Variants in EIF2B3 observed in about 807,000 individuals in gnomAD.
The protein encoded by EIF2B3 is eukaryotic translation initiation factor 2B subunit gamma.
In EIF2B3, 20 loss-of-function variants were observed where a neutral mutation model predicts 54.1. That is an observed-to-expected ratio of 0.37 (90% confidence interval 0.26 to 0.54). The LOEUF is 0.54. EIF2B3 is among the 20% of genes least tolerant of loss of function. The pLI, the probability that EIF2B3 is intolerant of heterozygous loss-of-function variation, is 0.86. For synonymous variants in EIF2B3, 153 were observed against 188.1 expected (o/e 0.81, Z 1.52); for missense variants, 448 against 547.8 (o/e 0.82, Z 1.82).
chr1:44,950,669 A>G (rs1380575521), intron 3 of EIF2B3, among the ~76,000 whole-genome samples: 1 of 152,098 alleles, frequency 6.6e-6, no homozygotes, highest in Non-Finnish European at 1.5e-5. Context: ...ATATAACTTC[A>G]ATAAGTATAA....
intron 6 of EIF2B3, among the ~76,000 whole-genome samples, chr1:44,889,678 G>A (rs111454417): frequency 0.22 from 34,067 of 151,564 alleles, 4,463 homozygotes; most frequent in African/African-American, 0.37. Context: ...ACAGGCACAC[G>A]CCACCACACC....
At chr1:44,959,082 C>T in intron 3 of EIF2B3, 1 of 776,414 alleles carries the variant, frequency 1.3e-6, no homozygotes, top group South Asian at 1.4e-5. Context: ...AGCTCCAAGG[C>T]CTCTATGATA....
intron 3 of EIF2B3, 80 bp from the exon 4 acceptor site, chr1:44,941,745 G>A (rs1644025337): frequency 6.6e-7 from 1 of 1,509,834 alleles, no homozygotes; most frequent in Non-Finnish European, 9.2e-7. Flanking sequence ...AATTAGGATG[G>A]CTTAAAACCA....
At chr1:44,982,028 G>T (rs1397686935) in intron 1 of EIF2B3, among the ~76,000 whole-genome samples, 3 of 151,770 alleles carry the variant, frequency 2.0e-5, no homozygotes, top group Non-Finnish European at 4.4e-5. Context: ...AGCATGTTAG[G>T]CTTCTGAAAA....
intron 4 of EIF2B3, among the ~76,000 whole-genome samples, chr1:44,936,814 T>C (rs576637498): frequency 6.6e-6 from 1 of 152,332 alleles, no homozygotes; most frequent in African/African-American, 2.4e-5. Flanking sequence ...CAAATTACAA[T>C]AGTAATTACA....
chr1:44,866,567 T>G (rs1215030992), intron 10 of EIF2B3, among the ~76,000 whole-genome samples: 4 of 152,036 alleles, frequency 2.6e-5, no homozygotes, highest in African/African-American at 7.2e-5. Flanking sequence ...AATTTTTTTT[T>G]TTTTTTAGAT....
intron 11 of EIF2B3, among the ~76,000 whole-genome samples, chr1:44,854,194 G>C (rs1198976973): frequency 6.6e-6 from 1 of 151,936 alleles, no homozygotes; most frequent in Non-Finnish European, 1.5e-5. Flanking sequence ...GTAGAGATGA[G>C]GTTTCACCAT....
rs1240019096 is a variant in EIF2B3, at chr1:44,881,302, G to A, written c.784+310C>T. ...GGGGCTGCCTAGAGCCTAGAGAACA[G>A]GGGAACTAAGAAGTGGCAGGTGGAG... On this transcript the variant is annotated intron_variant, in intron 7 of 11. Coordinates refer to ENST00000360403, the MANE Select transcript of EIF2B3 (RefSeq NM_020365.5). The surrounding 1 kb of genome is among the most constrained non-coding windows in gnomAD (Gnocchi z 4.0). Among the ~76,000 whole-genome samples the A allele has an allele frequency of 1.3e-5, 2 of 152,202 alleles. No individual in the cohort carries two copies. Among genetic ancestry groups the A allele is most frequent in the Non-Finnish European group, 2.9e-5 (2 of 68,032 alleles).
intron 5 of EIF2B3, among the ~76,000 whole-genome samples, chr1:44,914,719 C>T (rs1008540893): frequency 3.3e-5 from 5 of 152,028 alleles, no homozygotes; most frequent in East Asian, 3.9e-4. Context: ...GACGGAGTCT[C>T]GCTCTGTCAC....
intron 6 of EIF2B3, among the ~76,000 whole-genome samples, chr1:44,890,635 G>A (rs1655763599): frequency 6.6e-6 from 1 of 152,066 alleles, no homozygotes; most frequent in South Asian, 2.1e-4. Flanking sequence ...TCCTTCCAAA[G>A]CATATATGTT....
In EIF2B3 at chr1:44,981,104, C is replaced by T; in HGVS notation, c.65G>A (p.Ser22Asn). ...GGSRMTDLTS[S>N]IPKPLLPVGN... is the part of the protein sequence containing the mutation. The stretch of plus-strand genomic sequence containing the variant: ...AACTGGAAGCAGAGGTTTGGGAATG[C>T]TGGAAGTTAGGTCTGTCATCCGAGA... Residue 22 changes from serine (S) to asparagine (N), a missense_variant, in exon 2 of 12, where the codon AGC (serine) becomes AAC (asparagine). By Grantham distance (46) the Ser-to-Asn change is conservative. This residue lies in a region of EIF2B3 where 95 missense variants were observed against 115.7 expected (regional missense o/e 0.82). Coordinates refer to ENST00000360403, the MANE Select transcript of EIF2B3 (RefSeq NM_020365.5). The T allele has an allele frequency of 6.2e-7, 1 of 1,612,972 alleles. No individual in the cohort carries two copies. Among genetic ancestry groups the T allele is most frequent in the Non-Finnish European group, 8.5e-7 (1 of 1,179,872 alleles).
At chr1:44,880,364 A>C (rs1399120472) in intron 7 of EIF2B3, among the ~76,000 whole-genome samples, 1 of 152,232 alleles carries the variant, frequency 6.6e-6, no homozygotes, top group Non-Finnish European at 1.5e-5. Context: ...ATGATATAAA[A>C]ATGCTTAATA....
intron 5 of EIF2B3, among the ~76,000 whole-genome samples, chr1:44,907,026 T>C (rs1231630295): frequency 1.3e-5 from 2 of 152,096 alleles, no homozygotes; most frequent in African/African-American, 4.8e-5. Flanking sequence ...AACCCCAAGG[T>C]TCAAACACCA....
Position 44,978,621 on chromosome 1 carries a change from C to CTTTTTTTTTTTT in EIF2B3, c.149-173_149-162dup, listed in dbSNP as rs57964686. Among the ~76,000 whole-genome samples the CTTTTTTTTTTTT allele has an allele frequency of 6.5e-5, 5 of 76,632 alleles. 1 individual carries two copies. The highest frequency in any genetic ancestry group is 3.3e-4 in the African/African-American group (5 of 15,282). 50.3% of individuals were successfully genotyped at this position (76,632 alleles called of 152,430 possible). A position where few individuals can be genotyped will look rare whatever the true frequency, so the allele number is the denominator to read the frequency against. On this transcript the variant is annotated intron_variant, in intron 2 of 11. Coordinates refer to ENST00000360403, the MANE Select transcript of EIF2B3 (RefSeq NM_020365.5). ...TTTACCTGCATTCCCCCAATAAATT[C>CTTTTTTTTTTTT]TTTTTTTTTTTTTTTTTTTTTTTTT...
intron 3 of EIF2B3, among the ~76,000 whole-genome samples, chr1:44,977,668 T>C (rs1012995315): frequency 4.6e-5 from 7 of 152,188 alleles, no homozygotes; most frequent in African/African-American, 1.7e-4. Context: ...TCTTACCACG[T>C]TGACCAGGCT....
chr1:44,981,150 C>G lies in EIF2B3; in HGVS notation c.19G>C (p.Val7Leu). 1 of 1,612,860 alleles carries G rather than the reference C, an allele frequency of 6.2e-7. No homozygotes were observed. Among genetic ancestry groups the G allele is most frequent in the Non-Finnish European group, 8.5e-7 (1 of 1,179,892 alleles). The change falls in exon 2 of 12, where the codon GTG becomes CTG. Residue 7 changes from valine (V) to leucine (L), a missense_variant. Around this residue, in one of 3 missense-constraint regions of EIF2B3, gnomAD observed 95 missense variants for 115.7 expected, o/e 0.82. Transcript: ENST00000360403. ...CGAGATCCTCCACCTACTGCCATCA[C>G]TACTGCTTGAAATTCCATTTTTACA... is the stretch of plus-strand genomic sequence containing the variant. Reference protein sequence around the residue: MEFQAVVMAVGGGSRMT... With the variant: MEFQAVLMAVGGGSRMT...
At chr1:44,890,834 G>A (rs903299584) in intron 6 of EIF2B3, among the ~76,000 whole-genome samples, 1 of 152,062 alleles carries the variant, frequency 6.6e-6, no homozygotes, top group African/African-American at 2.4e-5. Context: ...GTTGCTTTGT[G>A]ATAAATGGCC....
chr1:44,963,563 C>T (rs887866588), intron 3 of EIF2B3, among the ~76,000 whole-genome samples: 1 of 152,172 alleles, frequency 6.6e-6, no homozygotes, highest in Admixed American at 6.5e-5. Flanking sequence ...AGCCACTGTG[C>T]CTGGCCAACC....
At chr1:44,958,642 C>G in intron 3 of EIF2B3, 2 of 1,577,030 alleles carry the variant, frequency 1.3e-6, no homozygotes, top group Non-Finnish European at 1.7e-6. Flanking sequence ...ACTGCCTGCT[C>G]TCACATATTC....
Sources: allele counts gnomAD v4.1 joint callset (sites outside exome capture counted in the v4.1 genomes callset), GRCh38; gene constraint gnomAD v4.1.1; regional missense constraint gnomAD v4.1.1; non-coding constraint Gnocchi (gnomAD v3.1); transcripts MANE v1.5; gene names NCBI Gene and HGNC (gene_info 2026-07-23, HGNC 2026-07-21).